Variants in PTPN13 observed in about 807,000 individuals in gnomAD.
PTPN13 encodes protein tyrosine phosphatase non-receptor type 13.
Under a neutral mutation model 284.0 loss-of-function variants are expected in PTPN13, and 191 were observed. The ratio of observed to expected loss-of-function variants is 0.67; its 90% CI spans 0.60 to 0.76. The LOEUF is 0.76. PTPN13 is among the 30% of genes least tolerant of loss of function. PTPN13 has a pLI of 0.00. For missense variants in PTPN13, 2,797 were observed against 2,939.9 expected (o/e 0.95, Z 1.12); for synonymous variants, 986 against 1,022.3 (o/e 0.96, Z 0.68).
At chr4:86,610,213 A>G (rs981043446) in intron 1 of PTPN13, among the ~76,000 whole-genome samples, 11 of 151,922 alleles carry the variant, frequency 7.2e-5, no homozygotes, top group Non-Finnish European at 2.9e-5. Context: ...TCCATCTCAA[A>G]AATAAAATAA....
intron 6 of PTPN13, among the ~76,000 whole-genome samples, chr4:86,695,077 A>G (rs1335962134): frequency 6.6e-6 from 1 of 152,130 alleles, no homozygotes; most frequent in Non-Finnish European, 1.5e-5. Flanking sequence ...AAAAGCAGTA[A>G]AATTGTTTCT....
intron 4 of PTPN13, among the ~76,000 whole-genome samples, chr4:86,687,891 A>G (rs1729611455): frequency 6.6e-6 from 1 of 152,158 alleles, no homozygotes; most frequent in African/African-American, 2.4e-5. Context: ...TTTTAGGATC[A>G]GAAATCAGGA....
Position 86,732,713 on chromosome 4 carries a change from T to C in PTPN13, c.1805T>C (p.Val602Ala). ...TGTAAAGATGTGTTTGATATGGTTGTGGCACATATTGGCTTAGTAGAGCAT... is the reference window on the plus strand; with the variant it reads ...TGTAAAGATGTGTTTGATATGGTTGCGGCACATATTGGCTTAGTAGAGCAT... ...TICKDVFDMV[V>A]AHIGLVEHHL... The change falls in exon 12 of 48, where the codon GTG becomes GCG. Residue 602 changes from valine to alanine, a missense_variant. By Grantham distance (64) the Val-to-Ala change is moderately conservative. Coordinates refer to ENST00000411767, the MANE Select transcript of PTPN13 (RefSeq NM_080683.3). 6.2e-7 allele frequency: 1 copy of C among 1,613,574 alleles called. No individual in the cohort carries two copies. The highest frequency in any genetic ancestry group is 8.5e-7 in the Non-Finnish European group (1 of 1,179,662).
chr4:86,777,141 G>C (rs1740749833), intron 35 of PTPN13, among the ~76,000 whole-genome samples: 1 of 152,156 alleles, frequency 6.6e-6, no homozygotes, highest in Non-Finnish European at 1.5e-5. Context: ...ATTACTATAA[G>C]TTTAGTGGCT....
chr4:86,791,718 G>C (rs1372033553), intron 40 of PTPN13, among the ~76,000 whole-genome samples: 1 of 152,146 alleles, frequency 6.6e-6, no homozygotes, highest in Non-Finnish European at 1.5e-5. Flanking sequence ...AGGCAAACAG[G>C]GTCTGGAGTG....
Position 86,735,647 on chromosome 4 carries a change from G to A in PTPN13, c.2205G>A (p.Met735Ile). 6.2e-7 allele frequency: 1 copy of A among 1,613,550 alleles called. No homozygotes were observed. The highest frequency in any genetic ancestry group is 1.3e-5 in the African/African-American group (1 of 75,014). The change falls in exon 15 of 48, where the codon ATG becomes ATA. Residue 735 changes from methionine to isoleucine, a missense_variant. Transcript: ENST00000411767. The stretch of plus-strand genomic sequence containing the variant: ...AGCACTATTTGCCCGCCAGAGTGAT[G>A]GAGAAACTTGATTTATCCTATATCA... ...RMEHYLPARV[M>I]EKLDLSYIKE...
intron 3 of PTPN13, among the ~76,000 whole-genome samples, chr4:86,686,471 A>G (rs1441012848): frequency 1.3e-5 from 2 of 152,234 alleles, no homozygotes; most frequent in Non-Finnish European, 2.9e-5. Context: ...TTAAAAGCTA[A>G]CAAAACTGAT....
intron 2 of PTPN13, among the ~76,000 whole-genome samples, chr4:86,665,852 T>C (rs1448969604): frequency 2.0e-5 from 3 of 152,128 alleles, no homozygotes; most frequent in African/African-American, 2.4e-5. Flanking sequence ...AAGTAGGTGA[T>C]TGAGGAAAAA....
In PTPN13 at chr4:86,745,419, G is replaced by A. The variant is rs562601389; in HGVS notation, c.2650+291G>A. ...ATTTGGGCCATGTTCTCTACCCTCA[G>A]TAAGCTTATCCAATATTTGGAAGGG... On this transcript the variant is annotated intron_variant, in intron 17 of 47. Transcript: ENST00000411767. 2.0e-5 allele frequency among the ~76,000 whole-genome samples: 3 copies of A among 152,266 alleles called. 1 individual carries two copies. The South Asian group carries it at 6.2e-4, about 32-fold the overall frequency.
At chr4:86,754,009 A>G (rs1202161321) in intron 20 of PTPN13, among the ~76,000 whole-genome samples, 1 of 152,096 alleles carries the variant, frequency 6.6e-6, no homozygotes, top group African/African-American at 2.4e-5. Context: ...TTTTTAGGTC[A>G]AAACTGTCAA....
chr4:86,809,369 G>A (rs1565633664), intron 45 of PTPN13, among the ~76,000 whole-genome samples: 1 of 152,128 alleles, frequency 6.6e-6, no homozygotes, highest in African/African-American at 2.4e-5. Flanking sequence ...TGATCCTATA[G>A]ACAAGCCAAA....
intron 2 of PTPN13, among the ~76,000 whole-genome samples, chr4:86,663,305 T>G (rs1394142710): frequency 2.0e-5 from 3 of 152,214 alleles, no homozygotes; most frequent in Admixed American, 6.5e-5. Context: ...AAGGTACAAT[T>G]AAACCCATGG....
rs1240844692 is a variant in PTPN13, at chr4:86,771,208, G to A, written c.4841G>A (p.Ser1614Asn). Residue 1614 changes from serine (S) to asparagine (N), a missense_variant, in exon 31 of 48, where the codon AGC becomes AAC. Physicochemically the swap from Ser to Asn is conservative, Grantham distance 46 (BLOSUM62 1). Coordinates refer to ENST00000411767, the MANE Select transcript of PTPN13 (RefSeq NM_080683.3). ...LQSPAQVLPN[S>N]SKDSSQPSCV... ...TCTCCAGCACAAGTACTTCCAAACAGCAGTAAAGACTCTTCTCAGCCATCA... is the reference window on the plus strand; with the variant it reads ...TCTCCAGCACAAGTACTTCCAAACAACAGTAAAGACTCTTCTCAGCCATCA... 1.2e-6 allele frequency: 2 copies of A among 1,611,958 alleles called. No individual in the cohort carries two copies. Among genetic ancestry groups the A allele is most frequent in the East Asian group, 4.5e-5 (2 of 44,834 alleles).
intron 1 of PTPN13, among the ~76,000 whole-genome samples, chr4:86,596,713 A>G (rs371509784): frequency 1.6e-4 from 25 of 152,304 alleles, no homozygotes; most frequent in East Asian, 1.3e-3. Flanking sequence ...TCCCGTATCA[A>G]TGGGGTGTAT....
Position 86,775,462 on chromosome 4 carries a change from C to T in PTPN13, c.5701C>T (p.His1901Tyr). Residue 1901 changes from histidine to tyrosine, a missense_variant, in exon 35 of 48, where the codon CAT (histidine) becomes TAT (tyrosine). Transcript: ENST00000411767. Reference sequence around the variant, plus strand: ...TCAAGGTTTTTCCTTATGTGGAGGTCATGACAGCCTTTATCAAGTGGTATA... The same window carrying T: ...TCAAGGTTTTTCCTTATGTGGAGGTTATGACAGCCTTTATCAAGTGGTATA... The part of the protein sequence containing the change: ...EELGFSLCGG[H>Y]DSLYQVVYIS... The T allele has an allele frequency of 1.2e-6, 2 of 1,607,694 alleles. No homozygotes were observed. The highest frequency in any genetic ancestry group is 1.7e-6 in the Non-Finnish European group (2 of 1,174,358).
intron 31 of PTPN13, among the ~76,000 whole-genome samples, chr4:86,772,418 G>A (rs1002463767): frequency 6.6e-6 from 1 of 152,054 alleles, no homozygotes; most frequent in African/African-American, 2.4e-5. Context: ...GTTGGGCATG[G>A]TGGCACACAC....
intron 20 of PTPN13, among the ~76,000 whole-genome samples, chr4:86,755,235 G>A (rs1470856100): frequency 2.0e-5 from 3 of 151,830 alleles, no homozygotes; most frequent in Admixed American, 2.0e-4. Context: ...CTTAAAGAAT[G>A]TGAAATTTGA....
At chr4:86,758,812 A>G (rs1435528527) in intron 22 of PTPN13, 27 bp downstream of exon 22, 10 of 1,602,812 alleles carry the variant, frequency 6.2e-6, no homozygotes, top group Non-Finnish European at 8.5e-6. Flanking sequence ...TAGTTTTCTA[A>G]GTATTTTCTG....
Position 86,771,535 on chromosome 4 carries a change from G to A in PTPN13, c.5168G>A (p.Ser1723Asn). ...CCCAATAAACCAGAGTTTGAGGACA[G>A]GTATCATCAATATAATGTGAACCGC... ...KIPNKPEFED[S>N]NPSPLPPDMA... Residue 1723 changes from serine to asparagine, a missense_variant and splice_region_variant, in exon 31 of 48, where the codon AGT becomes AAT. Transcript: ENST00000411767. 1 of 1,568,356 alleles carries A rather than the reference G, an allele frequency of 6.4e-7. No individual in the cohort carries two copies. Among genetic ancestry groups the A allele is most frequent in the Non-Finnish European group, 8.7e-7 (1 of 1,153,864 alleles).
Sources: gnomAD v4.1 joint callset for allele counts (sites outside exome capture counted in the v4.1 genomes callset) on GRCh38, gnomAD v4.1.1 for gene constraint, MANE v1.5 for transcripts, NCBI Gene and HGNC (gene_info 2026-07-23, HGNC 2026-07-21) for gene names.